Variants in RADX observed in about 807,000 individuals in gnomAD.
RADX encodes RPA1 related single stranded DNA binding protein, X-linked.
RADX carries 36 observed loss-of-function variants against 61.6 expected under a neutral mutation model. The ratio of observed to expected loss-of-function variants is 0.58; its 90% CI spans 0.45 to 0.77. RADX has a LOEUF of 0.77. Ranked by LOEUF, RADX falls within the 30% of genes least tolerant of loss-of-function variation. The pLI is 0.00. For missense variants in RADX, 497 were observed against 651.1 expected, an observed-to-expected ratio of 0.76 and a Z score of 2.58; for synonymous variants, 272 against 237.9, an observed-to-expected ratio of 1.14 and a Z score of -1.32.
intron 1 of RADX, among the ~76,000 whole-genome samples, chrX:106,617,020 G>GTTTTTTTTTTTTTTTTTTT (rs60413185): frequency 1.8e-5 from 1 of 54,544 alleles, no homozygotes; most frequent in Non-Finnish European, 3.2e-5. Context: ...GTGTGTGTGG[G>GTTTTTTTTTTTTTTTTTTT]TTTTTTTTTT....
chrX:106,629,324 G>A (rs1927153002), intron 3 of RADX, among the ~76,000 whole-genome samples: 1 of 111,833 alleles, frequency 8.9e-6, no homozygotes, highest in Non-Finnish European at 1.9e-5. Context: ...GTAATATTAT[G>A]TAATACAACT....
Position 106,662,273 on chromosome X carries a change from G to T in RADX, c.2237G>T (p.Arg746Leu). 1 of 1,209,309 alleles carries T rather than the reference G, an allele frequency of 8.3e-7. No homozygotes were observed. Among genetic ancestry groups the T allele is most frequent in the Non-Finnish European group, 1.1e-6 (1 of 894,064 alleles). Residue 746 changes from arginine (R) to leucine (L), a missense_variant, in exon 12 of 14, where the codon CGA (arginine) becomes CTA (leucine). This residue lies in a region of RADX where 267 missense variants were observed against 306.9 expected (regional missense o/e 0.87). Coordinates refer to ENST00000372548, the MANE Select transcript of RADX (RefSeq NM_018015.6). The part of the protein sequence containing the change: ...PPKLDDFKSA[R>L]SLGHFEVTIL... ...AAACTTGATGATTTTAAGAGCGCCC[G>T]AAGCCTTGGACATTTTGAAGTAACC...
At chrX:106,655,718 C>A (rs1379722346) in intron 11 of RADX, among the ~76,000 whole-genome samples, 1 of 111,514 alleles carries the variant, frequency 9.0e-6, no homozygotes, top group East Asian at 2.8e-4. Context: ...ATATGTGCCA[C>A]ATTTTCTTAA....
chrX:106,648,138 T>C (rs6622100), intron 10 of RADX, among the ~76,000 whole-genome samples, 175 bp from the exon 11 acceptor site: 12,309 of 111,424 alleles, frequency 0.11, 1,641 homozygotes, highest in African/African-American at 0.38. Flanking sequence ...AGTTGTTTTA[T>C]ATATGGATAT....
chrX:106,641,528 C>G (rs1456197486), intron 10 of RADX, among the ~76,000 whole-genome samples: 1 of 111,653 alleles, frequency 9.0e-6, no homozygotes, highest in Admixed American at 9.5e-5. Context: ...AGGATAGACA[C>G]TCCCATTCTG....
At chrX:106,630,645 T>G (rs1202508911) in intron 3 of RADX, among the ~76,000 whole-genome samples, 2 of 111,401 alleles carry the variant, frequency 1.8e-5, no homozygotes, top group East Asian at 5.7e-4. Context: ...TTATTATCCT[T>G]ACCAAACTAA....
At chrX:106,633,403 T>C in intron 6 of RADX, 151 bp downstream of exon 6, 1 of 449,125 alleles carries the variant, frequency 2.2e-6, no homozygotes, top group South Asian at 5.7e-5. Flanking sequence ...TATATTAATA[T>C]CGTTTTTTAT....
chrX:106,614,411 G>GT (rs956494233), intron 1 of RADX, among the ~76,000 whole-genome samples: 1 of 111,889 alleles, frequency 8.9e-6, no homozygotes, highest in African/African-American at 3.2e-5. Context: ...ATGTGAATAG[G>GT]TAATTTGTAG....
chrX:106,641,516 A>G (rs1350975639), intron 10 of RADX, among the ~76,000 whole-genome samples: 2 of 111,837 alleles, frequency 1.8e-5, no homozygotes, highest in Non-Finnish European at 3.8e-5. Flanking sequence ...TGAGATAGGT[A>G]TAGGATAGAC....
intron 11 of RADX, among the ~76,000 whole-genome samples, chrX:106,660,875 A>G (rs1205586049): frequency 2.7e-5 from 3 of 111,946 alleles, no homozygotes; most frequent in Non-Finnish European, 5.6e-5. Flanking sequence ...TTTACGAAGA[A>G]AAGAGGTTTA....
In RADX at chrX:106,637,811, A is replaced by G. The variant is rs747264055; in HGVS notation, c.1460A>G (p.Gln487Arg). 1.7e-6 allele frequency: 2 copies of G among 1,205,923 alleles called. No homozygotes were observed. Among genetic ancestry groups the G allele is most frequent in the Admixed American group, 2.2e-5 (1 of 45,552 alleles). The change falls in exon 8 of 14, where the codon CAA becomes CGA. Residue 487 changes from glutamine to arginine, a missense_variant. This residue lies in a region of RADX where 267 missense variants were observed against 306.9 expected (regional missense o/e 0.87). Transcript: ENST00000372548. ...GATGCCAAGGTAAAAAACTTTATTC[A>G]ATGGATTAGAACAAAGTCTGATTCC... is the stretch of plus-strand genomic sequence containing the variant. ...TYDAKVKNFI[Q>R]WIRTKSDSGE...
chrX:106,661,877 T>G lies in RADX; in HGVS notation c.1979-138T>G, dbSNP rs775237844. The G allele has an allele frequency of 5.4e-5, 24 of 444,114 alleles. No homozygotes were observed. The South Asian group carries it at 1.6e-3, about 29-fold the overall frequency. 36.6% of individuals were successfully genotyped at this position (444,114 alleles called of 1,213,427 possible). A position where few individuals can be genotyped will look rare whatever the true frequency, so the allele number is the denominator to read the frequency against. On this transcript the variant is annotated intron_variant, in intron 11 of 13. Transcript: ENST00000372548. ...AGAATTTTCTTTTGTATATTCATTT[T>G]ATATTTTGTAGGTAGTGGTTTGATT...
At chrX:106,652,095 A>G (rs934110233) in intron 11 of RADX, among the ~76,000 whole-genome samples, 45 of 111,229 alleles carry the variant, frequency 4.0e-4, no homozygotes, top group African/African-American at 1.4e-3. Context: ...ATAAATGTAA[A>G]CATATTAAAC....
chrX:106,673,820 G>T (rs1325325711), intron 13 of RADX, among the ~76,000 whole-genome samples: 2 of 110,909 alleles, frequency 1.8e-5, no homozygotes, highest in South Asian at 7.8e-4. Context: ...TTAGCTCATG[G>T]TGGTGAGGCT....
intron 13 of RADX, among the ~76,000 whole-genome samples, chrX:106,670,679 T>C (rs1336911603): frequency 9.1e-6 from 1 of 109,791 alleles, no homozygotes; most frequent in African/African-American, 3.3e-5. Flanking sequence ...TTCATTTAAC[T>C]CTGTACCAAG....
At chrX:106,620,218 C>CA (rs1231862867) in intron 1 of RADX, among the ~76,000 whole-genome samples, 1 of 111,860 alleles carries the variant, frequency 8.9e-6, no homozygotes, top group Non-Finnish European at 1.9e-5. Context: ...TGCAGAAATG[C>CA]AAAACAATGC....
chrX:106,639,567 G>A lies in RADX; in HGVS notation c.1614G>A (p.Glu538=). 1 of 1,202,743 alleles carries A rather than the reference G, an allele frequency of 8.3e-7. No individual in the cohort carries two copies. The highest frequency in any genetic ancestry group is 1.1e-6 in the Non-Finnish European group (1 of 891,342). The change falls in exon 9 of 14, where the codon GAG becomes GAA. Residue 538 remains glutamate (E), a synonymous_variant. Transcript: ENST00000372548. ...CAGCTATAAGTGAAGTCAGGAAGGAGATTGAAGACTTGCAGTATAGGGAAC... is the reference window on the plus strand; with the variant it reads ...CAGCTATAAGTGAAGTCAGGAAGGAAATTGAAGACTTGCAGTATAGGGAAC... The part of the protein sequence containing the change: ...LLTAISEVRK[E]IEDLQYREQK...
intron 6 of RADX, among the ~76,000 whole-genome samples, chrX:106,635,279 G>A (rs1016138843): frequency 9.0e-6 from 1 of 111,502 alleles, no homozygotes; most frequent in African/African-American, 3.3e-5. Flanking sequence ...AAATTTTCAG[G>A]TGAGAAAGCA....
chrX:106,622,477 T>C (rs1926975800), intron 1 of RADX, among the ~76,000 whole-genome samples, 174 bp from the exon 2 acceptor site: 2 of 110,789 alleles, frequency 1.8e-5, no homozygotes, highest in Admixed American at 1.9e-4. Flanking sequence ...CAGCTGTTAA[T>C]ATTAGGGATC....
Sources: allele counts gnomAD v4.1 joint callset (sites outside exome capture counted in the v4.1 genomes callset), GRCh38; gene constraint gnomAD v4.1.1; regional missense constraint gnomAD v4.1.1; transcripts MANE v1.5; gene names NCBI Gene and HGNC (gene_info 2026-07-23, HGNC 2026-07-21).